GPC5: variants seen among roughly 807,000 people sequenced by gnomAD.
GPC5 encodes glypican 5, also known as glypican-5.
In GPC5, 47 loss-of-function variants were observed where a neutral mutation model predicts 53.9. The observed-to-expected ratio is 0.87, with a 90% confidence interval of 0.69 to 1.11. The LOEUF is 1.11. Among genes scored for constraint, GPC5 ranks in the 50% most tolerant of loss-of-function variants. The pLI is 0.00. For missense variants in GPC5, 748 were observed against 713.1 expected (o/e 1.05, Z -0.56); for synonymous variants, 286 against 263.3 (o/e 1.09, Z -0.84).
intron 7 of GPC5, among the ~76,000 whole-genome samples, chr13:92,813,643 C>T (rs1052538220): frequency 3.3e-5 from 5 of 151,908 alleles, no homozygotes; most frequent in Admixed American, 2.6e-4. Flanking sequence ...TACTTTTAGT[C>T]AAAACTTTTT....
At position 92,843,667 on chromosome 13, in the gene GPC5, G is replaced by A. The variant is rs185451172; in HGVS notation, c.1562-22615G>A. Among the ~76,000 whole-genome samples, 160 of 152,210 alleles carry A rather than the reference G, an allele frequency of 1.1e-3. No individual in the cohort carries two copies. In the Middle Eastern group the frequency reaches 0.031, roughly 29 times the overall value. On this transcript the variant is annotated intron_variant, in intron 7 of 7. Coordinates refer to ENST00000377067, the MANE Select transcript of GPC5 (RefSeq NM_004466.6). Reference sequence around the variant, plus strand: ...TTTTATAATGTCTAAAAAGAGAAAGGTTTCGTGGTTCATTAACCATACATG... The same window carrying A: ...TTTTATAATGTCTAAAAAGAGAAAGATTTCGTGGTTCATTAACCATACATG...
At chr13:92,439,322 G>C (rs970994023) in intron 7 of GPC5, among the ~76,000 whole-genome samples, 1 of 152,096 alleles carries the variant, frequency 6.6e-6, no homozygotes. Flanking sequence ...CTATAAAAGA[G>C]GATTATTAAG....
chr13:92,444,563 C>A (rs1484112865), intron 7 of GPC5, among the ~76,000 whole-genome samples: 1 of 151,772 alleles, frequency 6.6e-6, no homozygotes, highest in Non-Finnish European at 1.5e-5. Flanking sequence ...ACTGATGTAA[C>A]AAACCAAGTG....
intron 7 of GPC5, among the ~76,000 whole-genome samples, chr13:92,398,984 C>G (rs892792818): frequency 1.3e-5 from 2 of 152,152 alleles, no homozygotes; most frequent in Non-Finnish European, 2.9e-5. Context: ...CTCTCCCATT[C>G]TTTACTTCCT....
chr13:92,666,576 T>C (rs1466474636), intron 7 of GPC5, among the ~76,000 whole-genome samples: 2 of 152,190 alleles, frequency 1.3e-5, no homozygotes, highest in African/African-American at 4.8e-5. Flanking sequence ...GTTTAGTAAA[T>C]TGATGTGTAA....
intron 7 of GPC5, among the ~76,000 whole-genome samples, chr13:92,783,914 C>A (rs889726174): frequency 2.6e-5 from 4 of 152,084 alleles, no homozygotes; most frequent in African/African-American, 9.7e-5. Context: ...ACTAAGAACC[C>A]ATTTTACTTC....
At chr13:92,533,843 TC>T (rs1410703790) in intron 7 of GPC5, among the ~76,000 whole-genome samples, 2 of 152,096 alleles carry the variant, frequency 1.3e-5, no homozygotes, top group African/African-American at 4.8e-5. Context: ...TTTTTCAGGG[TC>T]CTTGGAGAAT....
intron 7 of GPC5, among the ~76,000 whole-genome samples, chr13:92,264,878 C>CTCTCTGTG (rs1310875481): frequency 8.6e-5 from 9 of 104,764 alleles, no homozygotes; most frequent in African/African-American, 2.8e-4. Context: ...CTCTCTCTCT[C>CTCTCTGTG]TGTGTGTGTG....
intron 5 of GPC5, among the ~76,000 whole-genome samples, chr13:91,889,258 G>A (rs559601732): frequency 6.6e-6 from 1 of 152,132 alleles, no homozygotes; most frequent in Non-Finnish European, 1.5e-5. Flanking sequence ...CAGGGGACAG[G>A]CTGGGGAGAG....
chr13:92,151,238 C>A (rs2041905444), intron 7 of GPC5, among the ~76,000 whole-genome samples: 1 of 151,954 alleles, frequency 6.6e-6, no homozygotes, highest in Admixed American at 6.5e-5. Context: ...GATCCCAGAG[C>A]CTCTCAAACT....
At chr13:91,785,172 C>CTTTTG (rs1223467032) in intron 5 of GPC5, among the ~76,000 whole-genome samples, 1 of 152,148 alleles carries the variant, frequency 6.6e-6, no homozygotes, top group Non-Finnish European at 1.5e-5. Flanking sequence ...AGGGCTCAGG[C>CTTTTG]TTTTGTTCTG....
rs528852863 is a variant in GPC5, at chr13:92,621,307, C to T, written c.1562-244975C>T. Reference sequence around the variant, plus strand: ...CACAGCCTCCACTCCCATCCTCAGCCCCCATATCTGGCAAGATGCTTATGA... The same window carrying T: ...CACAGCCTCCACTCCCATCCTCAGCTCCCATATCTGGCAAGATGCTTATGA... On this transcript the variant is annotated intron_variant, in intron 7 of 7. Transcript: ENST00000377067. 3.9e-5 allele frequency among the ~76,000 whole-genome samples: 6 copies of T among 152,300 alleles called. No homozygotes were observed. The East Asian group carries it at 1.2e-3, about 29-fold the overall frequency.
At chr13:92,626,483 T>C (rs1216539439) in intron 7 of GPC5, among the ~76,000 whole-genome samples, 4 of 152,058 alleles carry the variant, frequency 2.6e-5, no homozygotes, top group African/African-American at 9.7e-5. Context: ...GTGGTGAACG[T>C]TGGGGATAGA....
chr13:92,484,970 A>C (rs1594241468), intron 7 of GPC5, among the ~76,000 whole-genome samples: 1 of 152,042 alleles, frequency 6.6e-6, no homozygotes, highest in Non-Finnish European at 1.5e-5. Context: ...TCCTGACCTC[A>C]AGTGATCCAC....
At chr13:91,687,122 G>C (rs926758191) in intron 2 of GPC5, among the ~76,000 whole-genome samples, 1 of 151,920 alleles carries the variant, frequency 6.6e-6, no homozygotes, top group African/African-American at 2.4e-5. Context: ...TGTCATGCCA[G>C]AGAGGTTATT....
At chr13:92,567,015 G>A (rs962922655) in intron 7 of GPC5, among the ~76,000 whole-genome samples, 97 of 152,158 alleles carry the variant, frequency 6.4e-4, no homozygotes, top group African/African-American at 2.3e-3. Context: ...CTTTCAGGGA[G>A]TCTTTGATGC....
intron 7 of GPC5, among the ~76,000 whole-genome samples, chr13:92,808,037 G>C (rs1462794381): frequency 6.6e-6 from 1 of 152,062 alleles, no homozygotes; most frequent in African/African-American, 2.4e-5. Flanking sequence ...ATGAATAAAT[G>C]TGTCACTTAT....
At position 91,693,894 on chromosome 13, in the gene GPC5, T is replaced by C. The variant is rs758523994; in HGVS notation, c.1020+13T>C. 7.1e-6 allele frequency: 11 copies of C among 1,558,958 alleles called. No homozygotes were observed. The East Asian group carries it at 2.5e-4, about 35-fold the overall frequency. ...ATTATTGGAACAGGTAAGTAGGAGC[T>C]CCACATTTTCAGTCTGACTTCTTGT... On this transcript the variant is annotated intron_variant, in intron 3 of 7. Coordinates refer to ENST00000377067, the MANE Select transcript of GPC5 (RefSeq NM_004466.6).
At chr13:92,529,402 T>C (rs1168537271) in intron 7 of GPC5, among the ~76,000 whole-genome samples, 1 of 152,172 alleles carries the variant, frequency 6.6e-6, no homozygotes, top group Non-Finnish European at 1.5e-5. Flanking sequence ...CAAAAAGATA[T>C]TATGGAATAT....
Sources: allele counts gnomAD v4.1 joint callset (sites outside exome capture counted in the v4.1 genomes callset), GRCh38; gene constraint gnomAD v4.1.1; transcripts MANE v1.5; gene names NCBI Gene and HGNC (gene_info 2026-07-23, HGNC 2026-07-21).